The following IGF2BP3 variants were observed in gnomAD, a reference collection of about 807,000 sequenced individuals.
The protein encoded by IGF2BP3 is insulin-like growth factor 2 mRNA-binding protein 3.
A neutral mutation model predicts 73.8 loss-of-function variants in IGF2BP3; 9 were observed. The observed-to-expected ratio is 0.12, with a 90% CI of 0.07 to 0.21. IGF2BP3 has a LOEUF of 0.21. Ranked by LOEUF, IGF2BP3 falls within the 10% of genes least tolerant of loss-of-function variation. The pLI is 1.00. For missense variants in IGF2BP3, 542 were observed against 714.0 expected, an observed-to-expected ratio of 0.76 and a Z score of 2.75; for synonymous variants, 258 against 256.7, an observed-to-expected ratio of 1.01 and a Z score of -0.05.
intron 5 of IGF2BP3, 54 bp from the exon 6 acceptor site, chr7:23,351,640 T>A (rs893161201): frequency 6.3e-7 from 1 of 1,585,676 alleles, no homozygotes; most frequent in Non-Finnish European, 8.6e-7. Context: ...ATATGACACA[T>A]CTTTTAGCAA....
chr7:23,368,343 A>AAAG (rs1785444088), intron 3 of IGF2BP3, among the ~76,000 whole-genome samples: 6 of 138,028 alleles, frequency 4.3e-5, no homozygotes, highest in East Asian at 2.1e-4. Context: ...AAGAAAGAAA[A>AAAG]AAAGAAAGAA....
At chr7:23,403,942 G>A (rs191888640) in intron 3 of IGF2BP3, among the ~76,000 whole-genome samples, 4 of 151,310 alleles carry the variant, frequency 2.6e-5, no homozygotes, top group Middle Eastern at 3.2e-3. Flanking sequence ...GGGCAATGTA[G>A]CAAGACCCTG....
intron 3 of IGF2BP3, among the ~76,000 whole-genome samples, chr7:23,412,841 CCTTTTTTTTT>C (rs1562737211): frequency 1.1e-5 from 1 of 87,930 alleles, no homozygotes; most frequent in East Asian, 4.3e-4. Flanking sequence ...AAGACTCTGG[CCTTTTTTTTT>C]TTTTTTTTTT....
At chr7:23,400,555 G>A (rs368637124) in intron 3 of IGF2BP3, among the ~76,000 whole-genome samples, 179 of 152,168 alleles carry the variant, frequency 1.2e-3, no homozygotes, top group Non-Finnish European at 2.1e-4. Context: ...AGCAAGGCAC[G>A]TGATAAAAGC....
chr7:23,354,333 G>A (rs764373818), intron 5 of IGF2BP3, among the ~76,000 whole-genome samples: 1 of 152,148 alleles, frequency 6.6e-6, no homozygotes, highest in Non-Finnish European at 1.5e-5. Flanking sequence ...ATCACTGAAG[G>A]TTCTTTCAAA....
At chr7:23,351,207 C>T (rs1784951107) in intron 6 of IGF2BP3, 98 bp downstream of exon 6, 2 of 1,333,428 alleles carry the variant, frequency 1.5e-6, no homozygotes, top group Non-Finnish European at 2.1e-6. Context: ...GTCCTCATGG[C>T]TGTGTTCAGA....
intron 2 of IGF2BP3, among the ~76,000 whole-genome samples, chr7:23,466,194 T>C (rs1379261561): frequency 6.6e-6 from 1 of 152,112 alleles, no homozygotes; most frequent in African/African-American, 2.4e-5. Flanking sequence ...AGCTAATTTT[T>C]GTATTTTTAG....
At chr7:23,411,692 A>C in intron 3 of IGF2BP3, among the ~76,000 whole-genome samples, 1 of 152,248 alleles carries the variant, frequency 6.6e-6, no homozygotes, top group East Asian at 1.9e-4. Flanking sequence ...GCAGTTGGAC[A>C]GAAGATGAAT....
At chr7:23,467,253 GCTGAAAT>G (rs1788585637) in intron 2 of IGF2BP3, among the ~76,000 whole-genome samples, 1 of 150,106 alleles carries the variant, frequency 6.7e-6, no homozygotes, top group Non-Finnish European at 1.5e-5. Flanking sequence ...TGGGAAGAGA[GCTGAAAT>G]CTACACAGGC....
intron 12 of IGF2BP3, 88 bp downstream of exon 12, chr7:23,317,551 A>T: frequency 1.1e-6 from 1 of 911,008 alleles, no homozygotes. Flanking sequence ...TCTTTCTGAG[A>T]TTTAGACATA....
At chr7:23,416,269 T>A (rs1428524730) in intron 3 of IGF2BP3, 1 of 152,248 alleles carries the variant, frequency 6.6e-6, no homozygotes, top group Non-Finnish European at 1.5e-5. Context: ...TAAGGCTTTT[T>A]TAGGTGCTCC....
chr7:23,311,793 C>T lies in IGF2BP3; in HGVS notation c.*569G>A, dbSNP rs746760623. On this transcript the variant is annotated 3_prime_UTR_variant, in exon 15 of 15. Coordinates refer to ENST00000258729, the MANE Select transcript of IGF2BP3 (RefSeq NM_006547.3). ...TTGCTTTTCATTGTATTACTGAATA[C>T]CTGAGGTAGTTGAGTAAAAATGCAC... is the stretch of plus-strand genomic sequence containing the variant. 2 of 152,452 alleles carry T rather than the reference C, an allele frequency of 1.3e-5. No individual in the cohort carries two copies. Among genetic ancestry groups the T allele is most frequent in the African/African-American group, 2.4e-5 (1 of 41,358 alleles). 9.4% of individuals were successfully genotyped at this position (152,452 alleles called of 1,614,324 possible). A position where few individuals can be genotyped will look rare whatever the true frequency, so the allele number is the denominator to read the frequency against.
At chr7:23,344,336 T>C (rs758381027) in intron 8 of IGF2BP3, among the ~76,000 whole-genome samples, 14 of 152,210 alleles carry the variant, frequency 9.2e-5, no homozygotes, top group South Asian at 4.1e-4. Flanking sequence ...GGAGAAAGCA[T>C]GGAAATATTC....
chr7:23,373,700 A>G (rs1287996062), intron 3 of IGF2BP3, among the ~76,000 whole-genome samples: 1 of 152,178 alleles, frequency 6.6e-6, no homozygotes, highest in Non-Finnish European at 1.5e-5. Flanking sequence ...ACTTCTGGGT[A>G]TTGATATGGT....
At chr7:23,393,402 A>G (rs866832698) in intron 3 of IGF2BP3, among the ~76,000 whole-genome samples, 7 of 152,338 alleles carry the variant, frequency 4.6e-5, no homozygotes, top group African/African-American at 1.7e-4. Flanking sequence ...GTGATCTTCT[A>G]TTCACTGAAC....
intron 3 of IGF2BP3, among the ~76,000 whole-genome samples, chr7:23,416,884 T>C (rs188808494): frequency 6.6e-6 from 1 of 152,208 alleles, no homozygotes; most frequent in East Asian, 1.9e-4. Flanking sequence ...TAAAATCCCA[T>C]CTCTACTAAA....
intron 3 of IGF2BP3, among the ~76,000 whole-genome samples, chr7:23,403,773 A>G (rs1786741591): frequency 6.6e-6 from 1 of 152,124 alleles, no homozygotes; most frequent in African/African-American, 2.4e-5. Context: ...GAATAGCACA[A>G]TTCCCTTCTA....
intron 10 of IGF2BP3, among the ~76,000 whole-genome samples, chr7:23,330,427 G>A (rs1032800042): frequency 2.6e-5 from 4 of 151,664 alleles, no homozygotes; most frequent in African/African-American, 9.7e-5. Flanking sequence ...TGTCACTCGA[G>A]GGGCTGCCTT....
At chr7:23,456,251 G>C (rs1788314385) in intron 2 of IGF2BP3, among the ~76,000 whole-genome samples, 1 of 150,818 alleles carries the variant, frequency 6.6e-6, no homozygotes. Flanking sequence ...GGAGAGCTCA[G>C]TCACTTTTCA....
Sources: gnomAD v4.1 joint callset for allele counts (sites outside exome capture counted in the v4.1 genomes callset) on GRCh38, gnomAD v4.1.1 for gene constraint, MANE v1.5 for transcripts, NCBI Gene and HGNC (gene_info 2026-07-23, HGNC 2026-07-21) for gene names.